The following XRCC4 variants were observed in gnomAD, a reference collection of about 807,000 sequenced individuals.
XRCC4 encodes the protein DNA repair protein XRCC4.
Under a neutral mutation model 39.1 loss-of-function variants are expected in XRCC4, and 28 were observed. That is an observed-to-expected ratio of 0.72 (90% confidence interval 0.53 to 0.98). The LOEUF (loss-of-function observed/expected upper bound fraction) is 0.98, where lower values mean the gene tolerates loss of function less well. XRCC4 is among the 50% of genes least tolerant of loss of function. The probability of loss-of-function intolerance (pLI) is 0.00; values close to 1 mark genes in which losing one functional copy is unlikely to be tolerated. For synonymous variants in XRCC4, 123 were observed against 126.4 expected (o/e 0.97, Z 0.18); for missense variants, 350 against 376.4 (o/e 0.93, Z 0.58).
chr5:83,178,960 C>A (rs963889492), intron 3 of XRCC4, among the ~76,000 whole-genome samples: 2 of 152,142 alleles, frequency 1.3e-5, no homozygotes, highest in African/African-American at 2.4e-5. Flanking sequence ...TTCTCTATTC[C>A]TTATTCCCCT....
chr5:83,214,558 C>T (rs1301177695), intron 6 of XRCC4, among the ~76,000 whole-genome samples: 1 of 152,020 alleles, frequency 6.6e-6, no homozygotes, highest in Non-Finnish European at 1.5e-5. Context: ...ATTGGCCAGG[C>T]ACGGTGGCTC....
intron 7 of XRCC4, among the ~76,000 whole-genome samples, chr5:83,267,590 A>G (rs762740473): frequency 2.6e-5 from 4 of 152,122 alleles, no homozygotes; most frequent in Non-Finnish European, 5.9e-5. Flanking sequence ...TAAGGAAACC[A>G]TGGTAGGAGA....
At chr5:83,177,567 G>T (rs1007798349) in intron 3 of XRCC4, among the ~76,000 whole-genome samples, 1 of 151,682 alleles carries the variant, frequency 6.6e-6, no homozygotes, top group South Asian at 2.1e-4. Flanking sequence ...TCTGCATGTA[G>T]CTTTTCTTTA....
intron 7 of XRCC4, chr5:83,280,544 G>A: frequency 1.7e-6 from 1 of 580,898 alleles, no homozygotes; most frequent in Admixed American, 2.9e-5. Context: ...TTCTGCACAG[G>A]CCCCTGCACT....
chr5:83,280,237 G>T, intron 7 of XRCC4: 1 of 331,948 alleles, frequency 3.0e-6, no homozygotes, highest in South Asian at 3.8e-5. Flanking sequence ...CAACACAGGT[G>T]GAAACCCAAT....
At chr5:83,132,871 A>C (rs1400986075) in intron 3 of XRCC4, among the ~76,000 whole-genome samples, 1 of 152,106 alleles carries the variant, frequency 6.6e-6, no homozygotes, top group African/African-American at 2.4e-5. Context: ...CGATCATCTG[A>C]AGCCTTCTTC....
At chr5:83,133,069 G>T (rs897984651) in intron 3 of XRCC4, among the ~76,000 whole-genome samples, 1 of 152,190 alleles carries the variant, frequency 6.6e-6, no homozygotes. Flanking sequence ...TGGGGTTTTG[G>T]TGTGGATGTC....
At chr5:83,334,803 A>G (rs28360324) in intron 7 of XRCC4, among the ~76,000 whole-genome samples, 2,085 of 152,136 alleles carry the variant, frequency 0.014, 41 homozygotes, top group African/African-American at 0.048. Context: ...AGTGATTTAT[A>G]TACCAAAAAA....
At chr5:83,118,043 TCC>T (rs1491217587) in intron 3 of XRCC4, among the ~76,000 whole-genome samples, 31 of 49,668 alleles carry the variant, frequency 6.2e-4, no homozygotes, top group Non-Finnish European at 1.0e-3. Context: ...TATATACATC[TCC>T]ACACACACAC....
chr5:83,229,222 A>C (rs1041284159), intron 6 of XRCC4, among the ~76,000 whole-genome samples: 1 of 152,096 alleles, frequency 6.6e-6, no homozygotes, highest in Non-Finnish European at 1.5e-5. Flanking sequence ...GATATGAACA[A>C]CAAAAAATTG....
intron 6 of XRCC4, among the ~76,000 whole-genome samples, chr5:83,212,818 T>C (rs1751700798): frequency 6.6e-6 from 1 of 150,622 alleles, no homozygotes; most frequent in African/African-American, 2.4e-5. Context: ...TCCCAGTTAG[T>C]TGGAAGGCTG....
At chr5:83,253,921 G>C (rs1321545435) in intron 6 of XRCC4, among the ~76,000 whole-genome samples, 1 of 152,090 alleles carries the variant, frequency 6.6e-6, no homozygotes, top group African/African-American at 2.4e-5. Context: ...CAGATGAGAA[G>C]AAGTGTGGCT....
At chr5:83,160,627 A>G (rs1366515701) in intron 3 of XRCC4, among the ~76,000 whole-genome samples, 2 of 151,898 alleles carry the variant, frequency 1.3e-5, no homozygotes, top group Non-Finnish European at 2.9e-5. Context: ...ATTTATTCTT[A>G]CTTCGGAAAA....
At chr5:83,189,018 G>A (rs1261556146) in intron 3 of XRCC4, among the ~76,000 whole-genome samples, 1 of 152,112 alleles carries the variant, frequency 6.6e-6, no homozygotes, top group Non-Finnish European at 1.5e-5. Context: ...CAAATAATAG[G>A]CAACCCCTGC....
intron 3 of XRCC4, among the ~76,000 whole-genome samples, chr5:83,149,099 T>G (rs1748591574): frequency 6.6e-6 from 1 of 152,192 alleles, no homozygotes; most frequent in Non-Finnish European, 1.5e-5. Context: ...AAATCATAAT[T>G]GACATGGTAA....
chr5:83,306,055 C>A (rs1184692004), intron 7 of XRCC4, among the ~76,000 whole-genome samples: 1 of 152,080 alleles, frequency 6.6e-6, no homozygotes, highest in Non-Finnish European at 1.5e-5. Flanking sequence ...GCTCAGTTAT[C>A]CAGTTTTAAA....
chr5:83,103,597 G>A (rs28383135), intron 1 of XRCC4, among the ~76,000 whole-genome samples: 9,154 of 152,078 alleles, frequency 0.06, 994 homozygotes, highest in East Asian at 0.48. Context: ...ATATGTATTT[G>A]CTAGAGTGTT....
At chr5:83,209,080 GT>G (rs1751531084) in intron 6 of XRCC4, among the ~76,000 whole-genome samples, 1 of 74,086 alleles carries the variant, frequency 1.3e-5, no homozygotes, top group South Asian at 4.5e-4. Flanking sequence ...TGCCTCCAAA[GT>G]GAGTGTGTGT....
intron 4 of XRCC4, chr5:83,201,828 G>C: frequency 6.6e-6 from 1 of 152,300 alleles, no homozygotes. Context: ...TGGATCACGA[G>C]CTCAGGAGTT....
Sources: allele counts gnomAD v4.1 joint callset (sites outside exome capture counted in the v4.1 genomes callset), GRCh38; gene constraint gnomAD v4.1.1; transcripts MANE v1.5; gene names NCBI Gene and HGNC (gene_info 2026-07-23, HGNC 2026-07-21).